The following DYNC1H1 variants were observed in gnomAD, a reference collection of about 807,000 sequenced individuals.
DYNC1H1 encodes cytoplasmic dynein 1 heavy chain 1.
DYNC1H1 carries 51 observed loss-of-function variants against 527.1 expected under a neutral mutation model. The ratio of observed to expected loss-of-function variants is 0.10; its 90% confidence interval spans 0.08 to 0.12. The LOEUF (loss-of-function observed/expected upper bound fraction) is 0.12, where lower values mean the gene tolerates loss of function less well. Among genes scored for constraint, DYNC1H1 ranks in the 10% least tolerant of loss-of-function variants. The pLI, the probability that DYNC1H1 is intolerant of heterozygous loss-of-function variation, is 1.00. For synonymous variants in DYNC1H1, 2,189 were observed against 2,278.8 expected (o/e 0.96, Z 1.12); for missense variants, 2,771 against 5,971.8 (o/e 0.46, Z 17.66).
rs1595614675 is a variant in DYNC1H1, at chr14:102,011,153, A to C, written c.6618+201A>C. 3.1e-6 allele frequency: 2 copies of C among 640,330 alleles called. No homozygotes were observed. Among genetic ancestry groups the C allele is most frequent in the East Asian group, 2.8e-5 (1 of 35,408 alleles). 39.7% of individuals were successfully genotyped at this position (640,330 alleles called of 1,614,324 possible). On this transcript the variant is annotated intron_variant, in intron 32 of 77. Transcript: ENST00000360184. The surrounding 1 kb of genome is among the most constrained non-coding windows in gnomAD (Gnocchi z 5.3). ...TGAAGAGGAAACAATACTTAACCTG[A>C]AAATTTTACATGATACAGTTCAATT...
chr14:102,035,865 GTTC>G (rs1289436626), intron 56 of DYNC1H1: 1 of 153,294 alleles, frequency 6.5e-6, no homozygotes, highest in Non-Finnish European at 1.5e-5. Flanking sequence ...GGGCAGCATG[GTTC>G]TTCTCACCAT....
chr14:102,048,722 G>T, intron 74 of DYNC1H1, 53 bp downstream of exon 74: 2 of 1,569,034 alleles, frequency 1.3e-6, no homozygotes, highest in Middle Eastern at 2.4e-4. Context: ...CCTTGGCCAG[G>T]GGCCACAACC....
At chr14:101,968,646 T>C (rs955779381) in intron 1 of DYNC1H1, among the ~76,000 whole-genome samples, 2 of 152,104 alleles carry the variant, frequency 1.3e-5, no homozygotes, top group African/African-American at 4.8e-5. Context: ...CACCGCATCC[T>C]CAACCTCCGG....
In DYNC1H1 at chr14:101,983,158, C is replaced by T. The variant is rs760895629; in HGVS notation, c.1101C>T (p.Ile367=). The T allele has an allele frequency of 6.2e-7, 1 of 1,614,108 alleles. No individual in the cohort carries two copies. Among genetic ancestry groups the T allele is most frequent in the South Asian group, 1.1e-5 (1 of 91,078 alleles). The change falls in exon 6 of 78, where the codon ATC becomes ATT. Residue 367 remains isoleucine (I), a synonymous_variant. Coordinates refer to ENST00000360184, the MANE Select transcript of DYNC1H1 (RefSeq NM_001376.5). The surrounding 1 kb of genome is among the most constrained non-coding windows in gnomAD (Gnocchi z 5.3). Reference sequence around the variant, plus strand: ...CCATTTTCACACATTTGAGAAAGATCCGAAACACAAAATATCCTATTCAGA... The same window carrying T: ...CCATTTTCACACATTTGAGAAAGATTCGAAACACAAAATATCCTATTCAGA... ...LVAIFTHLRK[I]RNTKYPIQRA... is the part of the protein sequence containing the mutation.
intron 28 of DYNC1H1, among the ~76,000 whole-genome samples, chr14:102,007,903 G>C (rs1282438512): frequency 6.6e-6 from 1 of 152,218 alleles, no homozygotes; most frequent in East Asian, 1.9e-4. Context: ...TGGCTTGCAC[G>C]TGGCTATTTT....
chr14:102,010,260 T>C lies in DYNC1H1; in HGVS notation c.6222-16T>C, dbSNP rs767781777. 3 of 1,613,796 alleles carry C rather than the reference T, an allele frequency of 1.9e-6. No individual in the cohort carries two copies. Among genetic ancestry groups the C allele is most frequent in the South Asian group, 2.2e-5 (2 of 91,026 alleles). On this transcript the variant is annotated splice_polypyrimidine_tract_variant and intron_variant, in intron 30 of 77. Coordinates refer to ENST00000360184, the MANE Select transcript of DYNC1H1 (RefSeq NM_001376.5). The surrounding 1 kb of genome is among the most constrained non-coding windows in gnomAD (Gnocchi z 6.0). Reference sequence around the variant, plus strand: ...TATACTGTTATTAAAGATAGCCTTTTTTTCTTCTTTTCTAGACTATGCGAT... The same window carrying C: ...TATACTGTTATTAAAGATAGCCTTTCTTTCTTCTTTTCTAGACTATGCGAT...
chr14:102,042,223 A>G lies in DYNC1H1; in HGVS notation c.12215-5A>G. On this transcript the variant is annotated splice_polypyrimidine_tract_variant and splice_region_variant and intron_variant, in intron 66 of 77. Coordinates refer to ENST00000360184, the MANE Select transcript of DYNC1H1 (RefSeq NM_001376.5). The surrounding 1 kb of genome is among the most constrained non-coding windows in gnomAD (Gnocchi z 5.7). ...CGCTGCTAACACTAAGTTTCCCTGCACCAGGCTCTGCAGAAGGCTTTAACC... is the reference window on the plus strand; with the variant it reads ...CGCTGCTAACACTAAGTTTCCCTGCGCCAGGCTCTGCAGAAGGCTTTAACC... The G allele has an allele frequency of 6.2e-7, 1 of 1,614,076 alleles. No homozygotes were observed. Among genetic ancestry groups the G allele is most frequent in the South Asian group, 1.1e-5 (1 of 91,086 alleles).
chr14:102,018,514 C>T lies in DYNC1H1; in HGVS notation c.8241C>T (p.Ile2747=). The change falls in exon 41 of 78, where the codon ATC becomes ATT. Residue 2747 remains isoleucine (I), a synonymous_variant. Transcript: ENST00000360184. This position sits in a 1 kb window ranked among gnomAD's most constrained non-coding sequence, Gnocchi z 5.2. ...CGGGCCCCGCCTCCCTCACACAGAT[C>T]TACGGCACCTTCAACCGCGCCATGC... ...DYPGPASLTQ[I]YGTFNRAMLR... is the part of the protein sequence containing the mutation. The T allele has an allele frequency of 1.2e-6, 2 of 1,614,140 alleles. No individual in the cohort carries two copies. Among genetic ancestry groups the T allele is most frequent in the Non-Finnish European group, 1.7e-6 (2 of 1,180,050 alleles).
chr14:101,983,818 C>T lies in DYNC1H1; in HGVS notation c.1461+209C>T, dbSNP rs1185275012. 6.6e-6 allele frequency among the ~76,000 whole-genome samples: 1 copy of T among 151,914 alleles called. No homozygotes were observed. The highest frequency in any genetic ancestry group is 2.4e-5 in the African/African-American group (1 of 41,346). On this transcript the variant is annotated intron_variant, in intron 7 of 77. Coordinates refer to ENST00000360184, the MANE Select transcript of DYNC1H1 (RefSeq NM_001376.5). The surrounding 1 kb of genome is among the most constrained non-coding windows in gnomAD (Gnocchi z 5.3). ...TCAGCCTCTCGAGTAGCTGGGATTA[C>T]AGGTGCCTGCCACCACGCCCGGCTA...
Position 102,042,317 on chromosome 14 carries a change from G to A in DYNC1H1, c.12275+29G>A, listed in dbSNP as rs746737320. On this transcript the variant is annotated intron_variant, in intron 67 of 77. Coordinates refer to ENST00000360184, the MANE Select transcript of DYNC1H1 (RefSeq NM_001376.5). The surrounding 1 kb of genome is among the most constrained non-coding windows in gnomAD (Gnocchi z 5.7). The stretch of plus-strand genomic sequence containing the variant: ...GGCCTGTTCTCTTTGGCTGAAGAAA[G>A]CCTTAGTCCCCAGGCATTCAGGCAG... 1.2e-5 allele frequency: 19 copies of A among 1,614,036 alleles called. No homozygotes were observed. The East Asian group carries it at 2.5e-4, about 21-fold the overall frequency.
At chr14:101,981,521 T>G (rs1156656639) in intron 5 of DYNC1H1, among the ~76,000 whole-genome samples, 1 of 152,240 alleles carries the variant, frequency 6.6e-6, no homozygotes, top group Non-Finnish European at 1.5e-5. Context: ...CGAGGCATTA[T>G]TAGGCATTTC....
intron 72 of DYNC1H1, among the ~76,000 whole-genome samples, chr14:102,046,145 G>A (rs1287937905): frequency 1.3e-5 from 2 of 151,676 alleles, no homozygotes; most frequent in African/African-American, 4.8e-5. Context: ...TCCAGCCTGG[G>A]CGACAGAGCA....
intron 27 of DYNC1H1, among the ~76,000 whole-genome samples, chr14:102,006,384 G>A (rs577029569): frequency 2.6e-4 from 39 of 151,378 alleles, no homozygotes; most frequent in Non-Finnish European, 5.3e-4. Context: ...ACAGGCACAC[G>A]CCATCACACC....
Position 102,041,774 on chromosome 14 carries a change from A to G in DYNC1H1, c.12102+40A>G. On this transcript the variant is annotated intron_variant, in intron 65 of 77. Transcript: ENST00000360184. This position sits in a 1 kb window ranked among gnomAD's most constrained non-coding sequence, Gnocchi z 4.5. ...CAGCCCGGGCTTCCCACGAGACTCC[A>G]TGCCCACCTCCCCAGCCACAGGTGG... 1.2e-6 allele frequency: 2 copies of G among 1,612,988 alleles called. No homozygotes were observed. The highest frequency in any genetic ancestry group is 1.7e-6 in the Non-Finnish European group (2 of 1,179,964).
intron 2 of DYNC1H1, 82 bp downstream of exon 2, chr14:101,975,881 A>G (rs1215036861): frequency 1.5e-5 from 17 of 1,124,298 alleles, no homozygotes; most frequent in Non-Finnish European, 2.2e-5. Flanking sequence ...TCAAACTCAG[A>G]AATTCTTACT....
In DYNC1H1 at chr14:102,049,095, G is replaced by T. The variant is rs1046224582; in HGVS notation, c.13373-345G>T. ...GGGAGCCCCCAGCATCCTCCTGTTT[G>T]CCCCAAAAGCCCTAATTGCCAGGAA... On this transcript the variant is annotated intron_variant, in intron 74 of 77. Coordinates refer to ENST00000360184, the MANE Select transcript of DYNC1H1 (RefSeq NM_001376.5). The surrounding 1 kb of genome is among the most constrained non-coding windows in gnomAD (Gnocchi z 5.5). 3 of 434,246 alleles carry T rather than the reference G, an allele frequency of 6.9e-6. No individual in the cohort carries two copies. Among genetic ancestry groups the T allele is most frequent in the Non-Finnish European group, 1.3e-5 (3 of 232,582 alleles). 26.9% of individuals were successfully genotyped at this position (434,246 alleles called of 1,614,324 possible). A position where few individuals can be genotyped will look rare whatever the true frequency, so the allele number is the denominator to read the frequency against.
chr14:101,969,050 C>G (rs2141261954), intron 1 of DYNC1H1, among the ~76,000 whole-genome samples: 1 of 151,986 alleles, frequency 6.6e-6, no homozygotes, highest in Non-Finnish European at 1.5e-5. Flanking sequence ...CAGAGTCTCG[C>G]CCTGTCTCCC....
chr14:102,021,049 G>A (rs2048378214), intron 42 of DYNC1H1, among the ~76,000 whole-genome samples: 1 of 151,934 alleles, frequency 6.6e-6, no homozygotes, highest in Admixed American at 6.6e-5. Flanking sequence ...TGTTATTGTT[G>A]CTATGTCAGC....
In DYNC1H1 at chr14:102,020,178, G is replaced by A; in HGVS notation, c.8507+122G>A. 3 of 1,378,030 alleles carry A rather than the reference G, an allele frequency of 2.2e-6. No individual in the cohort carries two copies. Among genetic ancestry groups the A allele is most frequent in the South Asian group, 1.2e-5 (1 of 80,374 alleles). The allele number at this position is 1,378,030 out of a possible 1,614,324, so 85.4% of individuals were successfully genotyped here. A position where few individuals can be genotyped will look rare whatever the true frequency, so the allele number is the denominator to read the frequency against. ...GTTAGAGCCAGGTGGTGCCAGTGGTGGAAGGAGCAGAGTCAGCCAGGGCAG... is the reference window on the plus strand; with the variant it reads ...GTTAGAGCCAGGTGGTGCCAGTGGTAGAAGGAGCAGAGTCAGCCAGGGCAG... On this transcript the variant is annotated intron_variant, in intron 42 of 77. Transcript: ENST00000360184. This position sits in a 1 kb window ranked among gnomAD's most constrained non-coding sequence, Gnocchi z 4.3.
Sources: gnomAD v4.1 joint callset for allele counts (sites outside exome capture counted in the v4.1 genomes callset) on GRCh38, gnomAD v4.1.1 for gene constraint, Gnocchi (gnomAD v3.1) non-coding constraint, MANE v1.5 for transcripts, NCBI Gene and HGNC (gene_info 2026-07-23, HGNC 2026-07-21) for gene names.